The following LEF1 variants were observed in gnomAD, a reference collection of about 807,000 sequenced individuals.
LEF1 encodes the protein lymphoid enhancer binding factor 1, also known as lymphoid enhancer-binding factor 1.
LEF1 carries 14 observed loss-of-function variants against 51.2 expected under a neutral mutation model. The observed-to-expected ratio is 0.27, with a 90% CI of 0.18 to 0.43. LEF1 has a LOEUF of 0.43. Ranked by LOEUF, LEF1 falls within the 20% of genes least tolerant of loss-of-function variation. LEF1 has a pLI of 1.00. For missense variants in LEF1, 386 were observed against 512.0 expected, an observed-to-expected ratio of 0.75 and a Z score of 2.37; for synonymous variants, 185 against 183.2, an observed-to-expected ratio of 1.01 and a Z score of -0.08.
chr4:108,078,658 G>A (rs561000260), intron 7 of LEF1, among the ~76,000 whole-genome samples: 15 of 152,272 alleles, frequency 9.9e-5, no homozygotes, highest in Admixed American at 3.9e-4. Flanking sequence ...ATAGAACTAT[G>A]AACACCAAGT....
intron 4 of LEF1, among the ~76,000 whole-genome samples, chr4:108,086,637 A>G (rs1316030645): frequency 6.6e-6 from 1 of 152,218 alleles, no homozygotes; most frequent in Non-Finnish European, 1.5e-5. Context: ...GCATTAATAT[A>G]TGTACTACGG....
chr4:108,125,217 G>A (rs2110340450), intron 3 of LEF1, among the ~76,000 whole-genome samples: 1 of 152,158 alleles, frequency 6.6e-6, no homozygotes, highest in South Asian at 2.1e-4. Flanking sequence ...AGGCTGGAGT[G>A]CAGTGGCGCA....
chr4:108,086,829 T>TACACACACACACACACACACAC (rs139231288), intron 4 of LEF1, among the ~76,000 whole-genome samples: 17,743 of 149,198 alleles, frequency 0.12, 1,172 homozygotes, highest in South Asian at 0.17. Context: ...CACACACACT[T>TACACACACACACACACACACAC]ACACACACAC....
intron 8 of LEF1, 29 bp from the exon 9 acceptor site, chr4:108,070,799 C>T (rs745600382): frequency 7.1e-7 from 1 of 1,411,346 alleles, no homozygotes; most frequent in Non-Finnish European, 1.0e-6. Flanking sequence ...AAGAAAAAAA[C>T]AAAAGTAAGC....
chr4:108,055,068 AAAAATAGCACATTTTAGCCTTTCTT>A (rs1156866246), intron 11 of LEF1, among the ~76,000 whole-genome samples: 1 of 152,178 alleles, frequency 6.6e-6, no homozygotes, highest in Admixed American at 6.5e-5. Context: ...ATTTATGTGC[AAAAATAGCACATTTTAGCCTTTCTT>A]AAAATAGCAC....
chr4:108,166,165 GTGCACCC>G, intron 1 of LEF1: 1 of 1,158,632 alleles, frequency 8.6e-7, no homozygotes, highest in Non-Finnish European at 1.2e-6. Flanking sequence ...GCGGGGTTAG[GTGCACCC>G]TACCCCCGCC....
chr4:108,123,915 G>T (rs1684510564), intron 3 of LEF1, among the ~76,000 whole-genome samples: 1 of 152,138 alleles, frequency 6.6e-6, no homozygotes, highest in Non-Finnish European at 1.5e-5. Flanking sequence ...GCTGAGACAG[G>T]AGGATCACCT....
chr4:108,086,081 C>T (rs1393762382), intron 4 of LEF1, among the ~76,000 whole-genome samples: 1 of 152,180 alleles, frequency 6.6e-6, no homozygotes, highest in Non-Finnish European at 1.5e-5. Context: ...CATGCAAATA[C>T]ATGATGTGGC....
chr4:108,101,932 C>T (rs1032630758), intron 3 of LEF1, among the ~76,000 whole-genome samples: 9 of 151,932 alleles, frequency 5.9e-5, no homozygotes, highest in Non-Finnish European at 8.8e-5. Flanking sequence ...TGGTGGCATG[C>T]GCCTGTAGTC....
intron 3 of LEF1, among the ~76,000 whole-genome samples, chr4:108,157,169 T>C (rs906525225): frequency 3.5e-5 from 3 of 84,740 alleles, no homozygotes; most frequent in Non-Finnish European, 7.2e-5. Flanking sequence ...TCTCTCTCTC[T>C]ATATATATAT....
At chr4:108,159,104 G>T in intron 3 of LEF1, among the ~76,000 whole-genome samples, 1 of 152,040 alleles carries the variant, frequency 6.6e-6, no homozygotes, top group Non-Finnish European at 1.5e-5. Flanking sequence ...TGCAATATTA[G>T]CTCTGCAAGG....
chr4:108,123,113 T>C (rs1326948274), intron 3 of LEF1, among the ~76,000 whole-genome samples: 3 of 152,244 alleles, frequency 2.0e-5, no homozygotes, highest in Admixed American at 1.3e-4. Context: ...ACTTGAGGCC[T>C]ATATAGTATG....
Position 108,167,838 on chromosome 4 carries a change from C to T in LEF1, c.-71G>A. The T allele has an allele frequency of 2.9e-6, 4 of 1,359,942 alleles. No individual in the cohort carries two copies. Among genetic ancestry groups the T allele is most frequent in the Non-Finnish European group, 4.1e-6 (4 of 973,706 alleles). 84.2% of individuals were successfully genotyped at this position (1,359,942 alleles called of 1,614,324 possible). ...AACAGCAGGAAAGACAGAGGGGTAA[C>T]TCAAGGGTGGGGGAGGAAAGGAGAG... On this transcript the variant is annotated 5_prime_UTR_variant, in exon 1 of 12. Coordinates refer to ENST00000265165, the MANE Select transcript of LEF1 (RefSeq NM_016269.5). This position sits in a 1 kb window ranked among gnomAD's most constrained non-coding sequence, Gnocchi z 5.7.
At chr4:108,152,024 A>T (rs562941786) in intron 3 of LEF1, among the ~76,000 whole-genome samples, 1 of 152,212 alleles carries the variant, frequency 6.6e-6, no homozygotes, top group Non-Finnish European at 1.5e-5. Context: ...AAAGAAACTA[A>T]CAATCAATGA....
intron 11 of LEF1, among the ~76,000 whole-genome samples, chr4:108,062,774 G>A (rs1160864394): frequency 6.6e-6 from 1 of 152,178 alleles, no homozygotes; most frequent in Non-Finnish European, 1.5e-5. Flanking sequence ...AAGTGTGAGA[G>A]AAAAGGCTCA....
chr4:108,092,928 A>AC (rs1553952174), intron 3 of LEF1, among the ~76,000 whole-genome samples: 1,870 of 138,440 alleles, frequency 0.014, 62 homozygotes, highest in Non-Finnish European at 0.023. Context: ...AAAAAAAAAA[A>AC]AAAAAAAAAA....
At chr4:108,050,919 A>G (rs1440718916) in intron 11 of LEF1, among the ~76,000 whole-genome samples, 1 of 152,056 alleles carries the variant, frequency 6.6e-6, no homozygotes. Context: ...AATCTAGAGC[A>G]CCCTGCACTT....
chr4:108,126,631 C>G lies in LEF1; in HGVS notation c.414+36937G>C, dbSNP rs1301506513. Among the ~76,000 whole-genome samples, 3 of 151,628 alleles carry G rather than the reference C, an allele frequency of 2.0e-5. No homozygotes were observed. The East Asian group carries it at 5.8e-4, about 30-fold the overall frequency. ...CAGCCTGGCCAACACGGTGAAACAC[C>G]GTCTCTACTAAAAAATACAAAAATT... On this transcript the variant is annotated intron_variant, in intron 3 of 11. Transcript: ENST00000265165.
At chr4:108,073,536 T>A (rs1483757661) in intron 8 of LEF1, among the ~76,000 whole-genome samples, 1 of 152,214 alleles carries the variant, frequency 6.6e-6, no homozygotes, top group Non-Finnish European at 1.5e-5. Flanking sequence ...ATTTACTATT[T>A]GACAACTATC....
Sources: allele counts gnomAD v4.1 joint callset (sites outside exome capture counted in the v4.1 genomes callset), GRCh38; gene constraint gnomAD v4.1.1; non-coding constraint Gnocchi (gnomAD v3.1); transcripts MANE v1.5; gene names NCBI Gene and HGNC (gene_info 2026-07-23, HGNC 2026-07-21).